Variants in SLC22A25 observed in about 807,000 individuals in gnomAD.
SLC22A25 encodes solute carrier family 22 member 25, also known as MGI:2442751, MGI:2385316, MGI:3042283, MGI:3645714, MGI:3605624, MGI:2442750.
A neutral mutation model predicts 45.9 loss-of-function variants in SLC22A25; 44 were observed. The ratio of observed to expected loss-of-function variants is 0.96; its 90% CI spans 0.75 to 1.23. The LOEUF (loss-of-function observed/expected upper bound fraction) is 1.23, where lower values mean the gene tolerates loss of function less well. Among genes scored for constraint, SLC22A25 ranks in the 50% most tolerant of loss-of-function variants. The probability of loss-of-function intolerance (pLI) is 0.00; values close to 1 mark genes in which losing one functional copy is unlikely to be tolerated. For missense variants in SLC22A25, 800 were observed against 666.4 expected (o/e 1.20, Z -2.21); for synonymous variants, 283 against 238.6 (o/e 1.19, Z -1.72).
At chr11:63,218,761 G>C (rs1002873381) in intron 5 of SLC22A25, among the ~76,000 whole-genome samples, 2 of 152,136 alleles carry the variant, frequency 1.3e-5, no homozygotes, top group African/African-American at 4.8e-5. Flanking sequence ...AGGAAATTCT[G>C]TGTTTTATTA....
chr11:63,190,934 G>C (rs531388599), intron 7 of SLC22A25, among the ~76,000 whole-genome samples: 3 of 152,176 alleles, frequency 2.0e-5, no homozygotes, highest in Non-Finnish European at 4.4e-5. Flanking sequence ...GTACCCAGCC[G>C]TGTGAGGTGT....
chr11:63,184,119 TGCCAA>T (rs2088431541), intron 7 of SLC22A25, among the ~76,000 whole-genome samples: 1 of 152,134 alleles, frequency 6.6e-6, no homozygotes, highest in South Asian at 2.1e-4. Context: ...TACAGATGCC[TGCCAA>T]GGTCCTAGTA....
chr11:63,180,616 G>C lies in SLC22A25; in HGVS notation c.1070+44C>G, dbSNP rs527338315. 3 of 1,326,280 alleles carry C rather than the reference G, an allele frequency of 2.3e-6. No homozygotes were observed. The East Asian group carries it at 7.2e-5, about 32-fold the overall frequency. The allele number at this position is 1,326,280 out of a possible 1,614,324, so 82.2% of individuals were successfully genotyped here. A position where few individuals can be genotyped will look rare whatever the true frequency, so the allele number is the denominator to read the frequency against. On this transcript the variant is annotated intron_variant, in intron 9 of 11. Transcript: ENST00000306494. ...CATTTGAAATAAGAAATGGATTTAT[G>C]TCTCCTCTATTTTAACATTCCTCAC...
At chr11:63,184,124 A>G (rs943721263) in intron 7 of SLC22A25, among the ~76,000 whole-genome samples, 6 of 152,152 alleles carry the variant, frequency 3.9e-5, no homozygotes, top group Admixed American at 2.6e-4. Flanking sequence ...ATGCCTGCCA[A>G]GGTCCTAGTA....
At chr11:63,194,415 C>T (rs11821251) in intron 7 of SLC22A25, among the ~76,000 whole-genome samples, 18,603 of 149,716 alleles carry the variant, frequency 0.12, 2,101 homozygotes, top group African/African-American at 0.31. Flanking sequence ...AGAGAAAGGT[C>T]GGGTAAAGAA....
chr11:63,182,996 C>A (rs748921128), intron 8 of SLC22A25, among the ~76,000 whole-genome samples: 1 of 152,000 alleles, frequency 6.6e-6, no homozygotes, highest in African/African-American at 2.4e-5. Context: ...AGGCTGTGAC[C>A]CTGACTTCCT....
rs1444393208 is a variant in SLC22A25 at position 63,159,030 on chromosome 11, T to G, written c.*4794A>C. Among the ~76,000 whole-genome samples the G allele has an allele frequency of 6.6e-6, 1 of 152,204 alleles. No individual in the cohort carries two copies. The highest frequency in any genetic ancestry group is 1.5e-5 in the Non-Finnish European group (1 of 68,044). ...TGTTTGTCTTTCTGTGCCTGGCTTA[T>G]TTCACTTAACATAATGATCTCCAGT... On this transcript the variant is annotated 3_prime_UTR_variant, in exon 12 of 12. Transcript: ENST00000306494.
chr11:63,220,081 A>C (rs1012679550), intron 5 of SLC22A25: 2 of 1,069,966 alleles, frequency 1.9e-6, no homozygotes, highest in Admixed American at 4.6e-5. Flanking sequence ...CATGTCACAG[A>C]CTGTGACAAT....
intron 1 of SLC22A25, among the ~76,000 whole-genome samples, chr11:63,240,847 T>C (rs2090236546): frequency 6.6e-6 from 1 of 152,192 alleles, no homozygotes; most frequent in South Asian, 2.1e-4. Flanking sequence ...GTGTAAATGG[T>C]ACTCCCATCC....
intron 6 of SLC22A25, 33 bp from the exon 7 acceptor site, chr11:63,217,515 A>C (rs746756789): frequency 1.2e-6 from 2 of 1,611,802 alleles, no homozygotes; most frequent in Non-Finnish European, 1.7e-6. Flanking sequence ...TTTAGCTTTA[A>C]ATACAGGTGG....
intron 3 of SLC22A25, among the ~76,000 whole-genome samples, chr11:63,233,880 C>T (rs1466870543): frequency 6.6e-6 from 1 of 152,182 alleles, no homozygotes; most frequent in Non-Finnish European, 1.5e-5. Flanking sequence ...TTTCTGCCTT[C>T]ATTTCGTTAT....
chr11:63,210,047 C>T (rs924588381), intron 7 of SLC22A25, among the ~76,000 whole-genome samples: 11 of 152,170 alleles, frequency 7.2e-5, no homozygotes, highest in Non-Finnish European at 1.5e-5. Context: ...CAGAAGTGTG[C>T]CAAAAGCCTG....
At chr11:63,193,153 C>G (rs918885293) in intron 7 of SLC22A25, among the ~76,000 whole-genome samples, 1 of 152,192 alleles carries the variant, frequency 6.6e-6, no homozygotes, top group Non-Finnish European at 1.5e-5. Flanking sequence ...ACAGCACAAT[C>G]TAATTAGAAA....
Position 63,224,669 on chromosome 11 carries a change from T to C in SLC22A25, c.506+3792A>G, listed in dbSNP as rs193226667. ...CTTATAACTCATTATTTTAAACTGA[T>C]AGTTAATAGAGATTGCATAAACATG... On this transcript the variant is annotated intron_variant, in intron 5 of 11. Transcript: ENST00000306494. 8.5e-5 allele frequency among the ~76,000 whole-genome samples: 13 copies of C among 152,348 alleles called. No individual in the cohort carries two copies. The East Asian group carries it at 2.3e-3, about 27-fold the overall frequency.
chr11:63,189,695 T>A (rs1052182683), intron 7 of SLC22A25, among the ~76,000 whole-genome samples: 1 of 152,192 alleles, frequency 6.6e-6, no homozygotes, highest in African/African-American at 2.4e-5. Flanking sequence ...GTTGTTCCTT[T>A]CCATGTTTAG....
intron 7 of SLC22A25, among the ~76,000 whole-genome samples, chr11:63,197,792 A>C (rs902288918): frequency 6.6e-6 from 1 of 152,204 alleles, no homozygotes; most frequent in Non-Finnish European, 1.5e-5. Flanking sequence ...CAGGCAACCT[A>C]CAGAATGGGA....
At position 63,161,580 on chromosome 11, in the gene SLC22A25, T is replaced by C. The variant is rs923406637; in HGVS notation, c.*2244A>G. 3.3e-5 allele frequency among the ~76,000 whole-genome samples: 5 copies of C among 152,186 alleles called. No homozygotes were observed. Among genetic ancestry groups the C allele is most frequent in the African/African-American group, 1.2e-4 (5 of 41,442 alleles). The stretch of plus-strand genomic sequence containing the variant: ...ATGATAGTGAATAAATCTCACATGA[T>C]CTGATGGTTTTATAAAAGGGAGTTT... On this transcript the variant is annotated 3_prime_UTR_variant, in exon 12 of 12. Coordinates refer to ENST00000306494, the MANE Select transcript of SLC22A25 (RefSeq NM_199352.6).
chr11:63,186,458 G>A (rs2088550929), intron 7 of SLC22A25, among the ~76,000 whole-genome samples: 1 of 150,764 alleles, frequency 6.6e-6, no homozygotes, highest in African/African-American at 2.4e-5. Flanking sequence ...TTTGTCAGAT[G>A]AGTAGATTGC....
At chr11:63,209,631 G>T (rs1372798881) in intron 7 of SLC22A25, among the ~76,000 whole-genome samples, 1 of 152,148 alleles carries the variant, frequency 6.6e-6, no homozygotes, top group Non-Finnish European at 1.5e-5. Context: ...ACAAGTTTAT[G>T]ATGACCAGGG....
Sources: gnomAD v4.1 joint callset for allele counts (sites outside exome capture counted in the v4.1 genomes callset) on GRCh38, gnomAD v4.1.1 for gene constraint, MANE v1.5 for transcripts, NCBI Gene and HGNC (gene_info 2026-07-23, HGNC 2026-07-21) for gene names.